SEMA3D: variants seen among roughly 807,000 people sequenced by gnomAD.
SEMA3D encodes the protein semaphorin 3D.
A neutral mutation model predicts 100.1 loss-of-function variants in SEMA3D; 84 were observed. The ratio of observed to expected loss-of-function variants is 0.84; its 90% CI spans 0.70 to 1.01. The LOEUF is 1.01. SEMA3D is among the 50% of genes least tolerant of loss of function. SEMA3D has a pLI of 0.00. For synonymous variants in SEMA3D, 312 were observed against 320.7 expected, an observed-to-expected ratio of 0.97 and a Z score of 0.29; for missense variants, 875 against 934.1, an observed-to-expected ratio of 0.94 and a Z score of 0.82.
At chr7:85,015,302 T>C (rs1410104183) in intron 15 of SEMA3D, 86 bp from the exon 16 acceptor site, 6 of 1,276,574 alleles carry the variant, frequency 4.7e-6, no homozygotes, top group Middle Eastern at 2.0e-4. Flanking sequence ...ACATAATACA[T>C]ATAAATCTGT....
chr7:85,187,878 C>G (rs10257875), upstream of SEMA3D, among the ~76,000 whole-genome samples: 861 of 152,246 alleles, frequency 5.7e-3, 11 homozygotes, highest in African/African-American at 0.019. Flanking sequence ...GAGCCCTGTA[C>G]GTTAGGCATT....
intron 4 of SEMA3D, among the ~76,000 whole-genome samples, chr7:85,096,761 T>C (rs1387623989): frequency 6.6e-6 from 1 of 151,720 alleles, no homozygotes; most frequent in African/African-American, 2.4e-5. Flanking sequence ...AACAAATAAT[T>C]CTAAAATAAT....
chr7:85,070,874 G>A (rs1051858468), intron 6 of SEMA3D, among the ~76,000 whole-genome samples: 1 of 152,116 alleles, frequency 6.6e-6, no homozygotes. Context: ...TCCGCCTCCC[G>A]AGTTCAAACA....
intron 3 of SEMA3D, among the ~76,000 whole-genome samples, chr7:85,109,424 C>T (rs1176380996): frequency 3.3e-5 from 5 of 151,832 alleles, no homozygotes; most frequent in Admixed American, 2.6e-4. Context: ...CTGAATATTC[C>T]GACAGGTTCA....
chr7:85,130,743 A>G (rs528616382), intron 2 of SEMA3D, among the ~76,000 whole-genome samples: 1 of 152,270 alleles, frequency 6.6e-6, no homozygotes, highest in South Asian at 2.1e-4. Context: ...CATTATTTGT[A>G]CCTTATATGA....
At chr7:85,069,153 T>G (rs1791705526) in intron 6 of SEMA3D, among the ~76,000 whole-genome samples, 1 of 152,144 alleles carries the variant, frequency 6.6e-6, no homozygotes, top group Non-Finnish European at 1.5e-5. Context: ...GTCTAGGTGA[T>G]GTATCTATGA....
At chr7:85,203,988 T>C in the SEMA3D span, among the ~76,000 whole-genome samples, 17 of 152,126 alleles carry the variant, frequency 1.1e-4, no homozygotes, top group South Asian at 1.7e-3. Flanking sequence ...CAATGACCCA[T>C]GGAATGAGGG....
chr7:85,231,691 C>G, the SEMA3D span, among the ~76,000 whole-genome samples: 6 of 152,072 alleles, frequency 3.9e-5, no homozygotes, highest in African/African-American at 7.2e-5. Flanking sequence ...ACTTTGTGAT[C>G]CGCCCCCCTC....
At chr7:85,036,760 A>G in intron 12 of SEMA3D, 129 bp downstream of exon 12, 2 of 693,552 alleles carry the variant, frequency 2.9e-6, no homozygotes, top group East Asian at 5.7e-5. Flanking sequence ...TGAAAATGCT[A>G]ATACTTCACT....
intron 2 of SEMA3D, among the ~76,000 whole-genome samples, chr7:85,135,514 G>A (rs1789834988): frequency 6.6e-6 from 1 of 151,860 alleles, no homozygotes; most frequent in Non-Finnish European, 1.5e-5. Flanking sequence ...GTGAGGTGGG[G>A]GTAGAGGGGG....
At position 84,999,479 on chromosome 7, in the gene SEMA3D, G is replaced by C. The variant is rs766573184; in HGVS notation, c.2295C>G (p.His765Gln). 2 of 1,614,084 alleles carry C rather than the reference G, an allele frequency of 1.2e-6. No individual in the cohort carries two copies. The highest frequency in any genetic ancestry group is 4.5e-5 in the East Asian group (2 of 44,860). ...CTCTAGGGAGCTCATCCAGGTCTCT[G>C]TGATGTCTTCGATTTCGTTTCTTCT... Reference protein sequence around the residue: ...EMKKKRNRRHHRDLDELPRAV... With the variant: ...EMKKKRNRRHQRDLDELPRAV... Residue 765 changes from histidine to glutamine, a missense_variant, in exon 19 of 19, where the codon CAC (histidine) becomes CAG (glutamine). His to Gln is a conservative substitution (Grantham distance 24). Coordinates refer to ENST00000284136, the MANE Select transcript of SEMA3D (RefSeq NM_001384900.1).
Position 85,081,502 on chromosome 7 carries a change from C to T in SEMA3D, c.375+15G>A. The T allele has an allele frequency of 6.5e-7, 1 of 1,547,568 alleles. No homozygotes were observed. The highest frequency in any genetic ancestry group is 8.9e-7 in the Non-Finnish European group (1 of 1,119,844). ...AGAAGTTTTACAAAGATAATTGTTA[C>T]AGTTTCATACTTACATTGGCATCTT... is the stretch of plus-strand genomic sequence containing the variant. On this transcript the variant is annotated intron_variant, in intron 5 of 18. Coordinates refer to ENST00000284136, the MANE Select transcript of SEMA3D (RefSeq NM_001384900.1).
intron 12 of SEMA3D, among the ~76,000 whole-genome samples, chr7:85,025,850 A>T (rs1384577343): frequency 6.6e-6 from 1 of 152,056 alleles, no homozygotes; most frequent in Admixed American, 6.6e-5. Context: ...GGGCAAACAT[A>T]CAGAGGTAAT....
chr7:85,189,080 A>G (rs923944845), upstream of SEMA3D, among the ~76,000 whole-genome samples: 1 of 152,168 alleles, frequency 6.6e-6, no homozygotes, highest in African/African-American at 2.4e-5. Context: ...AGAAAACAAC[A>G]TCTGGAACGT....
intron 14 of SEMA3D, among the ~76,000 whole-genome samples, 162 bp downstream of exon 14, chr7:85,020,071 G>A (rs1209088883): frequency 6.6e-6 from 1 of 151,446 alleles, no homozygotes; most frequent in Non-Finnish European, 1.5e-5. Context: ...ATTCCTAGTC[G>A]CTTATAAAAC....
intron 2 of SEMA3D, chr7:85,142,410 A>C: frequency 1.1e-6 from 1 of 912,844 alleles, no homozygotes; most frequent in Non-Finnish European, 1.3e-6. Flanking sequence ...AAAACTCAAT[A>C]ATAAAATCTT....
the SEMA3D span, among the ~76,000 whole-genome samples, chr7:85,200,091 T>C: frequency 1.3e-5 from 2 of 152,320 alleles, no homozygotes; most frequent in South Asian, 4.1e-4. Context: ...CTTTTGTAAA[T>C]TGCTCAGTCT....
chr7:85,020,283 C>A lies in SEMA3D; in HGVS notation c.1453G>T (p.Glu485Ter), dbSNP rs1438064157. 6.2e-7 allele frequency: 1 copy of A among 1,610,308 alleles called. No homozygotes were observed. The highest frequency in any genetic ancestry group is 8.5e-7 in the Non-Finnish European group (1 of 1,177,552). The stretch of plus-strand genomic sequence containing the variant: ...ACTACCTCTTCCATATTCCACTTTT[C>A]CTTTGAAATGCTGACAACTTTGAGG... ...TVLKVVSISKEKWNMEEVVLE... is the reference protein window; with the variant it reads ...TVLKVVSISK Residue 485 changes from glutamate (E) to a stop codon, truncating the protein, a stop_gained, in exon 14 of 19, where the codon GAA becomes TAA. Coordinates refer to ENST00000284136, the MANE Select transcript of SEMA3D (RefSeq NM_001384900.1). LOFTEE classifies it high-confidence loss of function.
the SEMA3D span, among the ~76,000 whole-genome samples, chr7:85,249,084 C>A: frequency 1.2e-4 from 18 of 152,248 alleles, no homozygotes; most frequent in African/African-American, 4.3e-4. Context: ...TGGGAACAGG[C>A]AGGGGCATAT....
Sources: allele counts gnomAD v4.1 joint callset (sites outside exome capture counted in the v4.1 genomes callset), GRCh38; gene constraint gnomAD v4.1.1; transcripts MANE v1.5; gene names NCBI Gene and HGNC (gene_info 2026-07-23, HGNC 2026-07-21).